FANCD2: variants seen among roughly 807,000 people sequenced by gnomAD.
FANCD2 encodes FA complementation group D2.
FANCD2 carries 131 observed loss-of-function variants against 192.3 expected under a neutral mutation model. That is an observed-to-expected ratio of 0.68 (90% CI 0.59 to 0.79). FANCD2 has a LOEUF of 0.79. Among genes scored for constraint, FANCD2 ranks in the 30% least tolerant of loss-of-function variants. The pLI, the probability that FANCD2 is intolerant of heterozygous loss-of-function variation, is 0.00. For synonymous variants in FANCD2, 524 were observed against 612.5 expected (o/e 0.86, Z 2.13); for missense variants, 1,508 against 1,701.6 (o/e 0.89, Z 2.00).
chr3:10,088,586 T>C (rs1415875667), intron 35 of FANCD2, 44 bp downstream of exon 35: 2 of 1,366,526 alleles, frequency 1.5e-6, no homozygotes, highest in Non-Finnish European at 2.1e-6. Context: ...AGCTTTTTTC[T>C]ATTTTGCTAC....
intron 1 of FANCD2, among the ~76,000 whole-genome samples, chr3:10,027,921 A>C (rs1381713920): frequency 6.6e-6 from 1 of 150,730 alleles, no homozygotes; most frequent in Non-Finnish European, 1.5e-5. Flanking sequence ...AAAAAAAAAA[A>C]AAATCACTTC....
chr3:10,057,442 C>G (rs1449200207), intron 18 of FANCD2, among the ~76,000 whole-genome samples: 2 of 151,334 alleles, frequency 1.3e-5, no homozygotes, highest in African/African-American at 2.4e-5. Flanking sequence ...TCAGCTCACT[C>G]CAACCTCCGC....
intron 9 of FANCD2, chr3:10,040,659 A>G (rs375637341): frequency 7.2e-6 from 3 of 417,334 alleles, no homozygotes; most frequent in Non-Finnish European, 1.4e-5. Flanking sequence ...CAATATCCCT[A>G]GGTAATAAAG....
intron 42 of FANCD2, among the ~76,000 whole-genome samples, chr3:10,098,078 C>G (rs1017938292): frequency 3.3e-5 from 5 of 152,002 alleles, no homozygotes; most frequent in Non-Finnish European, 5.9e-5. Flanking sequence ...GTAGTATAAG[C>G]CCTTTTCTTT....
rs751616030 is a variant in FANCD2, at chr3:10,049,355, T to C, written c.1414-19T>C. ...CCATATTTTGTTTTACACTGTTCTG[T>C]TGACTCTCCCCTGTATAGGAAGTGG... On this transcript the variant is annotated intron_variant, in intron 16 of 43. Transcript: ENST00000675286. 8.2e-6 allele frequency: 13 copies of C among 1,592,646 alleles called. No homozygotes were observed. The highest frequency in any genetic ancestry group is 1.4e-5 in the African/African-American group (1 of 71,212).
intron 37 of FANCD2, among the ~76,000 whole-genome samples, chr3:10,091,308 T>C (rs1694593993): frequency 6.6e-6 from 1 of 151,604 alleles, no homozygotes; most frequent in African/African-American, 2.4e-5. Context: ...CTTGAACTCA[T>C]AGGCTCAAGC....
intron 32 of FANCD2, among the ~76,000 whole-genome samples, chr3:10,081,841 C>T (rs1693857511): frequency 6.6e-6 from 1 of 151,956 alleles, no homozygotes; most frequent in African/African-American, 2.4e-5. Context: ...CAAGGGAACC[C>T]CAGAAGGGTA....
In FANCD2 at chr3:10,064,574, T is replaced by A. The variant is rs549843976; in HGVS notation, c.2021+145T>A. The A allele has an allele frequency of 2.3e-4, 291 of 1,264,866 alleles. 1 individual carries two copies. The Admixed American group carries it at 3.0e-3, about 13-fold the overall frequency. The allele number at this position is 1,264,866 out of a possible 1,614,324, so 78.4% of individuals were successfully genotyped here. The stretch of plus-strand genomic sequence containing the variant: ...TCTTTCCTCCCAACCCCAGCACCCC[T>A]GCACCCTTAGCTCCAAAATTCCTAA... On this transcript the variant is annotated intron_variant, in intron 22 of 43. Transcript: ENST00000675286.
chr3:10,071,721 TA>T (rs1177065522), intron 26 of FANCD2, among the ~76,000 whole-genome samples: 2 of 152,156 alleles, frequency 1.3e-5, no homozygotes, highest in African/African-American at 4.8e-5. Flanking sequence ...GGGTGGTTAA[TA>T]GCTTCAAAAA....
intron 9 of FANCD2, chr3:10,040,747 G>A: frequency 2.9e-6 from 1 of 347,654 alleles, no homozygotes; most frequent in South Asian, 2.2e-5. Flanking sequence ...CTTTTGTATA[G>A]TTGTCTGCAA....
intron 26 of FANCD2, among the ~76,000 whole-genome samples, chr3:10,070,414 C>T (rs1468890076): frequency 4.3e-5 from 5 of 115,278 alleles, no homozygotes; most frequent in African/African-American, 1.6e-4. Context: ...CTGCCCCGTC[C>T]GGGAGGTGAG....
At chr3:10,076,035 C>CTTTT (rs138155691) in intron 29 of FANCD2, among the ~76,000 whole-genome samples, 1 of 141,682 alleles carries the variant, frequency 7.1e-6, no homozygotes, top group African/African-American at 2.6e-5. Flanking sequence ...CCAGCCATAT[C>CTTTT]TTTTTTTTTT....
chr3:10,034,527 C>G lies in FANCD2; in HGVS notation c.264C>G (p.Ser88=). The change falls in exon 4 of 44, where the codon TCC becomes TCG. Residue 88 remains serine (S), a synonymous_variant. Coordinates refer to ENST00000675286, the MANE Select transcript of FANCD2 (RefSeq NM_001018115.3). ...KLFQTLRRHP[S]YPKIIEEFVS... Reference sequence around the variant, plus strand: ...TTCAGACCCTGAGGAGACACCCTTCCTATCCCAAAGTATGTATTTTTCCCC... The same window carrying G: ...TTCAGACCCTGAGGAGACACCCTTCGTATCCCAAAGTATGTATTTTTCCCC... 1 of 1,610,842 alleles carries G rather than the reference C, an allele frequency of 6.2e-7. No homozygotes were observed. Among genetic ancestry groups the G allele is most frequent in the Non-Finnish European group, 8.5e-7 (1 of 1,177,058 alleles).
chr3:10,075,373 G>T (rs532351689), intron 29 of FANCD2, among the ~76,000 whole-genome samples: 1 of 152,076 alleles, frequency 6.6e-6, no homozygotes, highest in Non-Finnish European at 1.5e-5. Context: ...TTTTTATAGA[G>T]ACAGGGTTTC....
Position 10,064,438 on chromosome 3 carries a change from T to A in FANCD2, c.2021+9T>A, listed in dbSNP as rs2087657362. 1.2e-6 allele frequency: 2 copies of A among 1,613,396 alleles called. No homozygotes were observed. Among genetic ancestry groups the A allele is most frequent in the African/African-American group, 2.7e-5 (2 of 74,924 alleles). ...TGTGTTGTTCCGGAAGGGTAGGTAT[T>A]GTTTACCTGCTGGCTTGGTTGCACT... On this transcript the variant is annotated intron_variant, in intron 22 of 43. Coordinates refer to ENST00000675286, the MANE Select transcript of FANCD2 (RefSeq NM_001018115.3).
At chr3:10,054,400 T>TATACATATATAC (rs2087323132) in intron 18 of FANCD2, among the ~76,000 whole-genome samples, 1 of 105,298 alleles carries the variant, frequency 9.5e-6, no homozygotes, top group African/African-American at 5.2e-5. Flanking sequence ...TATATACGTA[T>TATACATATATAC]ATGTATATAC....
At chr3:10,043,399 C>G (rs1265025935) in intron 12 of FANCD2, 85 bp from the exon 13 acceptor site, 4 of 1,102,894 alleles carry the variant, frequency 3.6e-6, no homozygotes, top group Non-Finnish European at 2.8e-6. Context: ...GTCATTTGCT[C>G]CAGGGTACAT....
intron 42 of FANCD2, among the ~76,000 whole-genome samples, chr3:10,096,734 TACAAA>T (rs1694989525): frequency 6.6e-6 from 1 of 152,192 alleles, no homozygotes; most frequent in Non-Finnish European, 1.5e-5. Context: ...GTCAGACCAG[TACAAA>T]CCTCTCTCCA....
chr3:10,097,147 A>C (rs902483034), intron 42 of FANCD2, among the ~76,000 whole-genome samples: 3 of 152,128 alleles, frequency 2.0e-5, no homozygotes, highest in African/African-American at 7.2e-5. Flanking sequence ...GGGTAATAGA[A>C]TATCACAAGG....
Sources: allele counts gnomAD v4.1 joint callset (sites outside exome capture counted in the v4.1 genomes callset), GRCh38; gene constraint gnomAD v4.1.1; transcripts MANE v1.5; gene names NCBI Gene and HGNC (gene_info 2026-07-23, HGNC 2026-07-21).